AMPH: variants seen among roughly 807,000 people sequenced by gnomAD.
The protein encoded by AMPH is amphiphysin (Stiff-Mann syndrome with breast cancer 128kD autoantigen).
AMPH carries 49 observed loss-of-function variants against 99.1 expected under a neutral mutation model. That is an observed-to-expected ratio of 0.49 (90% CI 0.39 to 0.63). AMPH has a LOEUF of 0.63. AMPH is among the 20% of genes least tolerant of loss of function. The pLI is 0.00. For synonymous variants in AMPH, 314 were observed against 317.3 expected, an observed-to-expected ratio of 0.99 and a Z score of 0.11; for missense variants, 759 against 863.4, an observed-to-expected ratio of 0.88 and a Z score of 1.52.
chr7:38,474,088 G>A (rs1021911347), intron 7 of AMPH, among the ~76,000 whole-genome samples: 2 of 152,004 alleles, frequency 1.3e-5, no homozygotes, highest in East Asian at 1.9e-4. Context: ...ACAGGATGAC[G>A]AGGGTTAGGG....
chr7:38,418,543 G>A (rs1384693964), intron 16 of AMPH, among the ~76,000 whole-genome samples: 1 of 152,232 alleles, frequency 6.6e-6, no homozygotes, highest in African/African-American at 2.4e-5. Context: ...TCACCATGAA[G>A]CTAGTGTTCC....
At chr7:38,388,435 C>A (rs1018495604) in intron 20 of AMPH, among the ~76,000 whole-genome samples, 2 of 151,806 alleles carry the variant, frequency 1.3e-5, no homozygotes, top group African/African-American at 4.8e-5. Context: ...TCAATTTTAT[C>A]TGTTATAGTC....
At chr7:38,414,056 G>C (rs949978235) in intron 17 of AMPH, among the ~76,000 whole-genome samples, 18 of 152,216 alleles carry the variant, frequency 1.2e-4, no homozygotes, top group African/African-American at 3.9e-4. Context: ...TCCAGATCCA[G>C]AACAGAGCCT....
intron 5 of AMPH, 23 bp downstream of exon 5, chr7:38,491,027 T>C: frequency 2.0e-6 from 3 of 1,523,876 alleles, no homozygotes; most frequent in Non-Finnish European, 2.7e-6. Flanking sequence ...AATCCTTCCC[T>C]TTATAGACAC....
At chr7:38,416,102 A>AATATATATATATATATATAT (rs5883648) in intron 17 of AMPH, among the ~76,000 whole-genome samples, 1,927 of 100,128 alleles carry the variant, frequency 0.019, 108 homozygotes, top group Middle Eastern at 0.025. Context: ...CAAACATATG[A>AATATATATATATATATATAT]ATATATATAT....
intron 1 of AMPH, among the ~76,000 whole-genome samples, chr7:38,574,646 G>A (rs868080984): frequency 1.3e-5 from 2 of 152,136 alleles, no homozygotes; most frequent in South Asian, 4.1e-4. Flanking sequence ...AGAATAACAG[G>A]AGTGATTATC....
At chr7:38,567,085 C>T (rs1791772775) in intron 1 of AMPH, among the ~76,000 whole-genome samples, 2 of 152,142 alleles carry the variant, frequency 1.3e-5, no homozygotes, top group Non-Finnish European at 2.9e-5. Flanking sequence ...AAGACATATG[C>T]ACATGTATGT....
intron 1 of AMPH, among the ~76,000 whole-genome samples, chr7:38,600,417 C>T (rs1303319562): frequency 6.6e-6 from 1 of 152,030 alleles, no homozygotes; most frequent in Non-Finnish European, 1.5e-5. Context: ...TTTTTAAATA[C>T]AATGACTTCA....
chr7:38,606,372 A>G (rs1433935876), intron 1 of AMPH, among the ~76,000 whole-genome samples: 7 of 152,108 alleles, frequency 4.6e-5, no homozygotes, highest in Non-Finnish European at 1.0e-4. Flanking sequence ...TTAGGCAGTG[A>G]GTCCCTATTC....
At chr7:38,603,133 T>C (rs10279199) in intron 1 of AMPH, among the ~76,000 whole-genome samples, 91,741 of 151,618 alleles carry the variant, frequency 0.61, 28,689 homozygotes, top group Non-Finnish European at 0.65. Context: ...CTGGGCAACA[T>C]GGCGAAACCC....
chr7:38,604,087 C>A lies in AMPH; in HGVS notation c.69+27196G>T, dbSNP rs117385018. ...TTTCCAGGAAGCTTCAAAAAATAGA[C>A]ACACAAGTGTGATTGTGCCTGTCTG... On this transcript the variant is annotated intron_variant, in intron 1 of 20. Coordinates refer to ENST00000356264, the MANE Select transcript of AMPH (RefSeq NM_001635.4). 9.8e-3 allele frequency among the ~76,000 whole-genome samples: 1,497 copies of A among 152,272 alleles called. 13 individuals are homozygous for A. The highest frequency in any genetic ancestry group is 0.015 in the Non-Finnish European group (1,028 of 68,024).
intron 17 of AMPH, among the ~76,000 whole-genome samples, chr7:38,397,982 CT>C (rs1281840167): frequency 6.6e-6 from 1 of 151,742 alleles, no homozygotes; most frequent in Non-Finnish European, 1.5e-5. Flanking sequence ...GTTAAAACGG[CT>C]TTTATCCAAA....
At chr7:38,554,666 C>CT (rs1815695021) in intron 1 of AMPH, among the ~76,000 whole-genome samples, 1 of 152,210 alleles carries the variant, frequency 6.6e-6, no homozygotes, top group Non-Finnish European at 1.5e-5. Context: ...GAACAACTCT[C>CT]CAACTCAAAA....
intron 20 of AMPH, among the ~76,000 whole-genome samples, chr7:38,386,571 T>C (rs1373859796): frequency 1.3e-5 from 2 of 152,178 alleles, no homozygotes; most frequent in African/African-American, 4.8e-5. Context: ...AGATTTCCTG[T>C]CTTGGTAATG....
intron 11 of AMPH, among the ~76,000 whole-genome samples, chr7:38,453,037 C>G (rs1326311420): frequency 6.6e-6 from 1 of 152,184 alleles, no homozygotes; most frequent in African/African-American, 2.4e-5. Flanking sequence ...GACATCTTGA[C>G]ATGAGACAAA....
chr7:38,463,368 A>G (rs986345555), intron 9 of AMPH, among the ~76,000 whole-genome samples: 85 of 152,270 alleles, frequency 5.6e-4, no homozygotes, highest in African/African-American at 1.4e-3. Flanking sequence ...CCACTTTACA[A>G]GTAGTAAAGT....
At chr7:38,620,254 G>A (rs1185725939) in intron 1 of AMPH, among the ~76,000 whole-genome samples, 5 of 151,072 alleles carry the variant, frequency 3.3e-5, no homozygotes, top group African/African-American at 7.3e-5. Context: ...TCTCTCGCTC[G>A]TTCACTCTCT....
intron 1 of AMPH, among the ~76,000 whole-genome samples, chr7:38,620,538 T>TATAC (rs201594738): frequency 3.2e-5 from 4 of 124,694 alleles, no homozygotes; most frequent in East Asian, 4.5e-4. Flanking sequence ...ATGCTATATA[T>TATAC]ATACATACAT....
At chr7:38,487,224 A>G (rs1788535111) in intron 5 of AMPH, among the ~76,000 whole-genome samples, 1 of 152,154 alleles carries the variant, frequency 6.6e-6, no homozygotes, top group Admixed American at 6.5e-5. Context: ...ATACAAAATC[A>G]ACATAAAGTA....
Sources: gnomAD v4.1 joint callset for allele counts (sites outside exome capture counted in the v4.1 genomes callset) on GRCh38, gnomAD v4.1.1 for gene constraint, MANE v1.5 for transcripts, NCBI Gene and HGNC (gene_info 2026-07-23, HGNC 2026-07-21) for gene names.